Variants in WWOX observed in about 807,000 individuals in gnomAD.
WWOX encodes the protein WW domain containing oxidoreductase, also known as WW domain-containing oxidoreductase.
A neutral mutation model predicts 46.2 loss-of-function variants in WWOX; 69 were observed. That is an observed-to-expected ratio of 1.49 (90% CI 1.23 to 1.82). The LOEUF (loss-of-function observed/expected upper bound fraction) is 1.82, where lower values mean the gene tolerates loss of function less well. WWOX is among the 40% of genes most tolerant of loss of function. WWOX has a pLI of 0.00. For missense variants in WWOX, 919 were observed against 542.6 expected (o/e 1.69, Z -6.89); for synonymous variants, 359 against 202.6 (o/e 1.77, Z -6.56).
At chr16:78,928,544 A>C (rs1028540239) in intron 8 of WWOX, among the ~76,000 whole-genome samples, 6 of 152,152 alleles carry the variant, frequency 3.9e-5, no homozygotes, top group Non-Finnish European at 8.8e-5. Flanking sequence ...TCTGAAGTGA[A>C]TACTGATTTT....
At chr16:78,693,393 T>C (rs1021036475) in intron 8 of WWOX, among the ~76,000 whole-genome samples, 14 of 152,318 alleles carry the variant, frequency 9.2e-5, no homozygotes, top group Non-Finnish European at 1.8e-4. Flanking sequence ...CTAAGTTCCA[T>C]TGCAAAAATA....
intron 8 of WWOX, among the ~76,000 whole-genome samples, chr16:78,884,282 AAAAAAAAAAAAC>A (rs1468098419): frequency 2.0e-5 from 3 of 149,290 alleles, no homozygotes; most frequent in South Asian, 2.2e-4. Context: ...CCAAAAAAAA[AAAAAAAAAAAAC>A]AAAAGACCAT....
chr16:78,353,511 C>G (rs988744878), intron 5 of WWOX, among the ~76,000 whole-genome samples: 2 of 152,210 alleles, frequency 1.3e-5, no homozygotes, highest in African/African-American at 4.8e-5. Context: ...CCCTTCTCCT[C>G]TAGCCAGTTG....
intron 8 of WWOX, among the ~76,000 whole-genome samples, chr16:78,906,283 C>A (rs1442126775): frequency 6.6e-6 from 1 of 152,176 alleles, no homozygotes; most frequent in African/African-American, 2.4e-5. Flanking sequence ...TAGCCCAAGG[C>A]AGCTTGAGAG....
chr16:78,428,474 G>T (rs7202482), intron 7 of WWOX, among the ~76,000 whole-genome samples: 1,825 of 152,038 alleles, frequency 0.012, 33 homozygotes, highest in African/African-American at 0.041. Flanking sequence ...ACCCTTACAG[G>T]GAAGGGCTCT....
At chr16:78,223,781 A>C (rs2036964978) in intron 5 of WWOX, among the ~76,000 whole-genome samples, 1 of 152,184 alleles carries the variant, frequency 6.6e-6, no homozygotes, top group Non-Finnish European at 1.5e-5. Flanking sequence ...AATGATTTTC[A>C]CATGGCTGGC....
intron 8 of WWOX, among the ~76,000 whole-genome samples, chr16:79,177,322 G>A (rs2050820060): frequency 6.6e-6 from 1 of 152,096 alleles, no homozygotes; most frequent in Non-Finnish European, 1.5e-5. Context: ...TCGTTTCGGA[G>A]GAAATTTTCC....
intron 8 of WWOX, among the ~76,000 whole-genome samples, chr16:78,642,875 C>T (rs551655718): frequency 4.6e-5 from 7 of 152,252 alleles, no homozygotes; most frequent in South Asian, 4.2e-4. Flanking sequence ...ATTCTGGAAT[C>T]CTACTGCCAA....
intron 8 of WWOX, among the ~76,000 whole-genome samples, chr16:78,639,878 T>G (rs1461233832): frequency 6.6e-6 from 1 of 152,052 alleles, no homozygotes; most frequent in African/African-American, 2.4e-5. Context: ...GATTGGCTTC[T>G]GTGTGAGGAT....
At chr16:78,508,739 G>A (rs2085280757) in intron 8 of WWOX, among the ~76,000 whole-genome samples, 3 of 152,150 alleles carry the variant, frequency 2.0e-5, no homozygotes, top group Admixed American at 6.5e-5. Flanking sequence ...CGTGAATGCC[G>A]GGATCTGCAG....
chr16:78,373,060 C>G (rs1045484799), intron 5 of WWOX, among the ~76,000 whole-genome samples: 4 of 152,094 alleles, frequency 2.6e-5, no homozygotes, highest in African/African-American at 7.2e-5. Flanking sequence ...CTGTAATGTC[C>G]TAACTTTCAT....
chr16:78,516,906 A>G (rs1450901272), intron 8 of WWOX, among the ~76,000 whole-genome samples: 1 of 152,146 alleles, frequency 6.6e-6, no homozygotes, highest in African/African-American at 2.4e-5. Context: ...CAAGATTAAC[A>G]TTATTATTAT....
At chr16:78,542,510 C>A (rs1323833057) in intron 8 of WWOX, among the ~76,000 whole-genome samples, 1 of 152,078 alleles carries the variant, frequency 6.6e-6, no homozygotes, top group African/African-American at 2.4e-5. Context: ...AACCACATTG[C>A]TTACTATTGT....
At position 78,161,436 on chromosome 16, in the gene WWOX, C is replaced by A. The variant is rs141905528; in HGVS notation, c.410-2747C>A. ...TTTCTCTCTCTCTCTCTCTTTCTTT[C>A]TCTTTCCTTTCTTTCTTCCATTTAA... On this transcript the variant is annotated intron_variant, in intron 4 of 8. Transcript: ENST00000566780. Among the ~76,000 whole-genome samples the A allele has an allele frequency of 2.1e-3, 315 of 149,128 alleles. 1 individual carries two copies. The highest frequency in any genetic ancestry group is 6.7e-3 in the African/African-American group (273 of 40,510).
chr16:78,220,454 A>C (rs777248998), intron 5 of WWOX, among the ~76,000 whole-genome samples: 2 of 152,176 alleles, frequency 1.3e-5, no homozygotes, highest in Non-Finnish European at 2.9e-5. Flanking sequence ...TAATACTTAA[A>C]GGCTTTCTGA....
chr16:78,696,150 G>T (rs1346647344), intron 8 of WWOX, among the ~76,000 whole-genome samples: 3 of 152,166 alleles, frequency 2.0e-5, no homozygotes, highest in African/African-American at 7.2e-5. Flanking sequence ...CAGAAATACG[G>T]TGTCCCTGCC....
At chr16:78,903,561 C>T (rs181192559) in intron 8 of WWOX, among the ~76,000 whole-genome samples, 33 of 152,276 alleles carry the variant, frequency 2.2e-4, no homozygotes, top group South Asian at 1.2e-3. Context: ...AAAGAGTAGC[C>T]CCTCCTCCTT....
chr16:78,982,679 G>T (rs2046706436), intron 8 of WWOX, among the ~76,000 whole-genome samples: 1 of 152,142 alleles, frequency 6.6e-6, no homozygotes, highest in South Asian at 2.1e-4. Flanking sequence ...TAATATTTTA[G>T]ACCGGGCTCC....
intron 6 of WWOX, among the ~76,000 whole-genome samples, chr16:78,391,417 T>C (rs908922394): frequency 1.3e-5 from 2 of 152,216 alleles, no homozygotes; most frequent in African/African-American, 4.8e-5. Flanking sequence ...TAAGACACTT[T>C]CTCAACTTGA....
Sources: allele counts gnomAD v4.1 joint callset (sites outside exome capture counted in the v4.1 genomes callset), GRCh38; gene constraint gnomAD v4.1.1; transcripts MANE v1.5; gene names NCBI Gene and HGNC (gene_info 2026-07-23, HGNC 2026-07-21).